The following SLC39A11 variants were observed in gnomAD, a reference collection of about 807,000 sequenced individuals.
The protein encoded by SLC39A11 is zinc transporter ZIP11.
SLC39A11 carries 33 observed loss-of-function variants against 36.1 expected under a neutral mutation model. The observed-to-expected ratio is 0.91, with a 90% CI of 0.69 to 1.22. SLC39A11 has a LOEUF of 1.22. Ranked by LOEUF, SLC39A11 falls within the 50% of genes most tolerant of loss-of-function variation. The probability of loss-of-function intolerance (pLI) is 0.00; values close to 1 mark genes in which losing one functional copy is unlikely to be tolerated. For missense variants in SLC39A11, 432 were observed against 430.3 expected, an observed-to-expected ratio of 1.00 and a Z score of -0.03; for synonymous variants, 166 against 170.3, an observed-to-expected ratio of 0.97 and a Z score of 0.20.
At chr17:72,864,920 AG>A (rs1176846860) in intron 5 of SLC39A11, among the ~76,000 whole-genome samples, 1 of 152,248 alleles carries the variant, frequency 6.6e-6, no homozygotes, top group Non-Finnish European at 1.5e-5. Flanking sequence ...GGACCCAGCT[AG>A]GGAGTAAAGA....
chr17:72,937,256 C>T (rs2084829698), intron 5 of SLC39A11, among the ~76,000 whole-genome samples: 1 of 152,148 alleles, frequency 6.6e-6, no homozygotes, highest in Non-Finnish European at 1.5e-5. Context: ...GCCTGGCCAA[C>T]ATGGTGAAAC....
At chr17:72,891,381 C>T (rs980399082) in intron 5 of SLC39A11, among the ~76,000 whole-genome samples, 8 of 152,088 alleles carry the variant, frequency 5.3e-5, no homozygotes, top group African/African-American at 1.2e-4. Flanking sequence ...CCTGCCTGGA[C>T]GCCCCTGCCA....
At chr17:73,083,241 A>C (rs1474882291) in intron 3 of SLC39A11, among the ~76,000 whole-genome samples, 1 of 152,156 alleles carries the variant, frequency 6.6e-6, no homozygotes, top group Non-Finnish European at 1.5e-5. Context: ...CGGCATTCTC[A>C]GGCACAGCAG....
rs540411380 is a variant in SLC39A11, at chr17:72,849,717, C to T, written c.518G>A (p.Arg173Gln). Residue 173 changes from arginine to glutamine, a missense_variant, in exon 6 of 10, where the codon CGA (arginine) becomes CAA (glutamine). Physicochemically the swap from Arg to Gln is conservative, Grantham distance 43. Transcript: ENST00000255559. ...GCCGCCGGGCTGTGCCAGATTCCCT[C>T]GAGAAGGCACAGGGACAGCAGGACC... is the stretch of plus-strand genomic sequence containing the variant. ...PEGPAVPVPSRGNLAQPGGSS... is the reference protein window; with the variant it reads ...PEGPAVPVPSQGNLAQPGGSS... 16 of 1,611,898 alleles carry T rather than the reference C, an allele frequency of 9.9e-6. No homozygotes were observed. Among genetic ancestry groups the T allele is most frequent in the East Asian group, 4.5e-5 (2 of 44,748 alleles).
intron 7 of SLC39A11, among the ~76,000 whole-genome samples, chr17:72,709,248 C>T (rs767546187): frequency 1.2e-4 from 19 of 152,152 alleles, no homozygotes; most frequent in Non-Finnish European, 2.4e-4. Flanking sequence ...AAGCCTTTTT[C>T]TTTTTAAACT....
At chr17:72,889,099 G>A (rs1323726729) in intron 5 of SLC39A11, among the ~76,000 whole-genome samples, 2 of 152,060 alleles carry the variant, frequency 1.3e-5, no homozygotes, top group African/African-American at 2.4e-5. Flanking sequence ...AGGGAGGTTC[G>A]ATCAATGTGA....
At chr17:72,860,372 GA>G (rs1483368225) in intron 5 of SLC39A11, among the ~76,000 whole-genome samples, 1 of 152,188 alleles carries the variant, frequency 6.6e-6, no homozygotes, top group Non-Finnish European at 1.5e-5. Flanking sequence ...CATCTCTTCT[GA>G]ATGTTCATTC....
chr17:72,984,926 G>A (rs1217523831), intron 4 of SLC39A11, among the ~76,000 whole-genome samples: 1 of 152,200 alleles, frequency 6.6e-6, no homozygotes. Flanking sequence ...AATAACTCTA[G>A]AGAATTGCAC....
At chr17:72,745,918 G>A (rs2074916395) in intron 6 of SLC39A11, among the ~76,000 whole-genome samples, 1 of 152,170 alleles carries the variant, frequency 6.6e-6, no homozygotes, top group South Asian at 2.1e-4. Flanking sequence ...AACCCCAAAG[G>A]TGGAGAAATG....
intron 5 of SLC39A11, among the ~76,000 whole-genome samples, chr17:72,880,140 A>C (rs1393283619): frequency 6.6e-6 from 1 of 152,200 alleles, no homozygotes; most frequent in African/African-American, 2.4e-5. Flanking sequence ...GAGCATCCTA[A>C]GAGCTCCCTA....
chr17:72,981,165 C>T (rs943604099), intron 4 of SLC39A11, among the ~76,000 whole-genome samples: 2 of 151,930 alleles, frequency 1.3e-5, no homozygotes, highest in African/African-American at 4.8e-5. Context: ...AATAGTTTCA[C>T]TTCAATAAGG....
At position 72,746,635 on chromosome 17, in the gene SLC39A11, G is replaced by A. The variant is rs999944332; in HGVS notation, c.602-9916C>T. On this transcript the variant is annotated intron_variant, in intron 6 of 9. Transcript: ENST00000255559. ...CACCTGTAGTCCCAGCTACTCGGGA[G>A]GCTGAGACAGGATAATGGTGTGAAC... Among the ~76,000 whole-genome samples the A allele has an allele frequency of 4.6e-5, 7 of 152,316 alleles. No individual in the cohort carries two copies. In the South Asian group the frequency reaches 1.0e-3, roughly 23 times the overall value.
intron 5 of SLC39A11, among the ~76,000 whole-genome samples, chr17:72,894,968 G>C (rs1163934560): frequency 1.3e-5 from 2 of 152,150 alleles, no homozygotes; most frequent in Non-Finnish European, 2.9e-5. Context: ...GTGAAGGTAG[G>C]GCAGTGTTCA....
At chr17:73,064,358 C>A (rs1418723609) in intron 3 of SLC39A11, among the ~76,000 whole-genome samples, 2 of 152,142 alleles carry the variant, frequency 1.3e-5, no homozygotes, top group Non-Finnish European at 2.9e-5. Flanking sequence ...GTATTTTGTT[C>A]TTTCTTTTCT....
intron 4 of SLC39A11, among the ~76,000 whole-genome samples, chr17:73,024,947 C>T (rs1046843366): frequency 1.1e-4 from 16 of 145,560 alleles, no homozygotes; most frequent in Admixed American, 5.2e-4. Context: ...AACTCCTGAC[C>T]TCAACTGATC....
intron 6 of SLC39A11, among the ~76,000 whole-genome samples, chr17:72,840,049 T>C (rs2078734931): frequency 6.6e-6 from 1 of 152,164 alleles, no homozygotes. Flanking sequence ...AAAATAAAAG[T>C]CATCTGCAAT....
chr17:72,855,635 G>A (rs777938534), intron 5 of SLC39A11, among the ~76,000 whole-genome samples: 6 of 152,170 alleles, frequency 3.9e-5, no homozygotes, highest in African/African-American at 7.2e-5. Flanking sequence ...GGTGGCTCAC[G>A]CCTGTAATCA....
intron 5 of SLC39A11, among the ~76,000 whole-genome samples, chr17:72,933,507 C>G (rs2084552277): frequency 6.6e-6 from 1 of 152,046 alleles, no homozygotes; most frequent in African/African-American, 2.4e-5. Context: ...AGTGCAACCC[C>G]AGTCAAAATC....
chr17:72,991,056 G>A (rs987597301), intron 4 of SLC39A11, among the ~76,000 whole-genome samples: 4 of 152,112 alleles, frequency 2.6e-5, no homozygotes, highest in African/African-American at 9.7e-5. Flanking sequence ...GTAAGTCCAC[G>A]TACCAACGAT....
Sources: allele counts gnomAD v4.1 joint callset (sites outside exome capture counted in the v4.1 genomes callset), GRCh38; gene constraint gnomAD v4.1.1; transcripts MANE v1.5; gene names NCBI Gene and HGNC (gene_info 2026-07-23, HGNC 2026-07-21).